PTPRQ: variants seen among roughly 807,000 people sequenced by gnomAD.
The protein encoded by PTPRQ is protein tyrosine phosphatase receptor type Q, also known as phosphatidylinositol phosphatase PTPRQ.
In PTPRQ, 199 loss-of-function variants were observed where a neutral mutation model predicts 246.0. The ratio of observed to expected loss-of-function variants is 0.81; its 90% CI spans 0.72 to 0.91. The LOEUF (loss-of-function observed/expected upper bound fraction) is 0.91, where lower values mean the gene tolerates loss of function less well. Among genes scored for constraint, PTPRQ ranks in the 40% least tolerant of loss-of-function variants. The pLI is 0.00. For missense variants in PTPRQ, 2,624 were observed against 2,528.4 expected (o/e 1.04, Z -0.81); for synonymous variants, 869 against 853.2 (o/e 1.02, Z -0.32).
intron 14 of PTPRQ, among the ~76,000 whole-genome samples, chr12:80,499,862 CATACTT>C (rs1484998682): frequency 6.6e-6 from 1 of 151,744 alleles, no homozygotes; most frequent in Non-Finnish European, 1.5e-5. Flanking sequence ...TTTATTTTCT[CATACTT>C]AGGGTGTAAT....
chr12:80,667,586 G>C (rs1224824150), intron 39 of PTPRQ, among the ~76,000 whole-genome samples: 1 of 151,530 alleles, frequency 6.6e-6, no homozygotes, highest in Non-Finnish European at 1.5e-5. Context: ...AGTGTCTTTG[G>C]TCAGTGATGA....
intron 35 of PTPRQ, among the ~76,000 whole-genome samples, chr12:80,640,024 A>ATGTG (rs770149840): frequency 4.3e-3 from 582 of 134,248 alleles, no homozygotes; most frequent in Non-Finnish European, 6.6e-3. Flanking sequence ...ATGAAGATAC[A>ATGTG]CGTGTGTGTG....
At chr12:80,576,142 GT>G (rs879637101) in intron 25 of PTPRQ, among the ~76,000 whole-genome samples, 214 of 151,440 alleles carry the variant, frequency 1.4e-3, no homozygotes, top group Middle Eastern at 3.4e-3. Flanking sequence ...ACAGCCACAG[GT>G]TTTTTTTTCT....
At chr12:80,477,141 T>C (rs750237539) in intron 8 of PTPRQ, among the ~76,000 whole-genome samples, 3 of 152,220 alleles carry the variant, frequency 2.0e-5, no homozygotes, top group Non-Finnish European at 4.4e-5. Context: ...AATTGTTAGT[T>C]TGTTCCTATT....
chr12:80,495,421 A>C, intron 12 of PTPRQ, 50 bp downstream of exon 12: 1 of 1,467,676 alleles, frequency 6.8e-7, no homozygotes, highest in Non-Finnish European at 9.0e-7. Context: ...TTACATTTCT[A>C]TTCTGGTGGA....
In PTPRQ at chr12:80,524,581, A is replaced by T. The variant is rs576425955; in HGVS notation, c.2679-9434A>T. Among the ~76,000 whole-genome samples, 3 of 152,046 alleles carry T rather than the reference A, an allele frequency of 2.0e-5. No homozygotes were observed. In the East Asian group the frequency reaches 5.8e-4, roughly 29 times the overall value. On this transcript the variant is annotated intron_variant, in intron 17 of 44. Coordinates refer to ENST00000644991, the MANE Select transcript of PTPRQ (RefSeq NM_001145026.2). The stretch of plus-strand genomic sequence containing the variant: ...TGGGGGATATACTGAGGTGTGTCTG[A>T]CCTCCCATCCTGTCATGGCCAGAAA...
chr12:80,460,671 T>A lies in PTPRQ; in HGVS notation c.679T>A (p.Leu227Ile). 5.0e-6 allele frequency: 2 copies of A among 398,786 alleles called. No individual in the cohort carries two copies. Among genetic ancestry groups the A allele is most frequent in the Non-Finnish European group, 8.8e-6 (2 of 226,090 alleles). The allele number at this position is 398,786 out of a possible 1,614,324, so 24.7% of individuals were successfully genotyped here. The stretch of plus-strand genomic sequence containing the variant: ...TTACTAGGAGAATAGTGAATCTTTT[T>A]TATGGAGTACAGCCAGCCCTTCTCC... Reference protein sequence around the residue: ...PECNENSESFLWSTASPSPTL... With the variant: ...PECNENSESFIWSTASPSPTL... Residue 227 changes from leucine to isoleucine, a missense_variant, in exon 6 of 45, where the codon TTA becomes ATA. By Grantham distance (5) the Leu-to-Ile change is conservative. Transcript: ENST00000644991.
At chr12:80,508,312 CT>C (rs1261693130) in intron 16 of PTPRQ, among the ~76,000 whole-genome samples, 3 of 151,992 alleles carry the variant, frequency 2.0e-5, no homozygotes, top group African/African-American at 7.2e-5. Flanking sequence ...AACAAGAGAC[CT>C]AAATTTGACA....
chr12:80,599,167 C>T (rs1898061825), intron 26 of PTPRQ, among the ~76,000 whole-genome samples: 1 of 151,904 alleles, frequency 6.6e-6, no homozygotes, highest in Admixed American at 6.6e-5. Flanking sequence ...ATAAGACCCA[C>T]ATTCCTGTGC....
In PTPRQ at chr12:80,670,427, T is replaced by C. The variant is rs770502605; in HGVS notation, c.6537T>C (p.Ile2179=). ...TTCCTGAGAACAGCGCCCCTCTAAT[T>C]CACTTTGTGAAGTTGGTTCGAGCAA... ...HGVPENSAPL[I]HFVKLVRASR... is the part of the protein sequence containing the mutation. Residue 2179 remains isoleucine, a synonymous_variant, in exon 42 of 45, where the codon ATT becomes ATC. Transcript: ENST00000644991. The C allele has an allele frequency of 3.0e-5, 46 of 1,551,104 alleles. No homozygotes were observed. Among genetic ancestry groups the C allele is most frequent in the Non-Finnish European group, 3.9e-5 (45 of 1,146,642 alleles).
At chr12:80,574,018 T>C (rs1231809914) in intron 25 of PTPRQ, among the ~76,000 whole-genome samples, 1 of 152,184 alleles carries the variant, frequency 6.6e-6, no homozygotes, top group African/African-American at 2.4e-5. Context: ...ACTACGATTG[T>C]GGGTTTTTTT....
intron 6 of PTPRQ, among the ~76,000 whole-genome samples, chr12:80,467,773 C>T (rs974584852): frequency 1.3e-4 from 20 of 151,370 alleles, no homozygotes; most frequent in Admixed American, 6.6e-4. Flanking sequence ...AACCAAACAC[C>T]GCATATTCTC....
At chr12:80,575,799 A>G (rs1327022746) in intron 25 of PTPRQ, among the ~76,000 whole-genome samples, 1 of 148,766 alleles carries the variant, frequency 6.7e-6, no homozygotes, top group Admixed American at 6.8e-5. Context: ...AGATCATGCC[A>G]TTGCACTCCA....
chr12:80,541,239 G>A (rs1896141633), intron 20 of PTPRQ, among the ~76,000 whole-genome samples: 1 of 151,634 alleles, frequency 6.6e-6, no homozygotes, highest in Non-Finnish European at 1.5e-5. Flanking sequence ...TTTAAATAAG[G>A]CAGTATACAT....
chr12:80,472,060 A>G (rs1201691977), intron 7 of PTPRQ, 45 bp from the exon 8 acceptor site: 3 of 1,549,268 alleles, frequency 1.9e-6, no homozygotes, highest in Admixed American at 2.0e-5. Flanking sequence ...ACATGATTGC[A>G]CGCTTGATAA....
At chr12:80,625,483 C>T (rs1034927815) in intron 33 of PTPRQ, among the ~76,000 whole-genome samples, 26 of 152,076 alleles carry the variant, frequency 1.7e-4, no homozygotes, top group African/African-American at 4.8e-4. Context: ...AGCTTTTGCA[C>T]GACTCTGTTT....
At chr12:80,677,710 G>A (rs1436127100) in intron 43 of PTPRQ, among the ~76,000 whole-genome samples, 4 of 152,090 alleles carry the variant, frequency 2.6e-5, no homozygotes, top group African/African-American at 7.2e-5. Flanking sequence ...TTTCAATAGA[G>A]GAGTTCCAAA....
chr12:80,546,489 A>C (rs1592638439), intron 23 of PTPRQ, 67 bp from the exon 24 acceptor site: 1 of 1,415,976 alleles, frequency 7.1e-7, no homozygotes, highest in East Asian at 2.5e-5. Flanking sequence ...AACTTCAATG[A>C]AAATATTCCA....
intron 17 of PTPRQ, among the ~76,000 whole-genome samples, chr12:80,521,383 A>T (rs1367261110): frequency 6.6e-6 from 1 of 151,994 alleles, no homozygotes; most frequent in Non-Finnish European, 1.5e-5. Flanking sequence ...CCCATTTGTC[A>T]ATTTTGGCTT....
Sources: allele counts gnomAD v4.1 joint callset (sites outside exome capture counted in the v4.1 genomes callset), GRCh38; gene constraint gnomAD v4.1.1; transcripts MANE v1.5; gene names NCBI Gene and HGNC (gene_info 2026-07-23, HGNC 2026-07-21).